GMPS: variants seen among roughly 807,000 people sequenced by gnomAD.
GMPS encodes guanosine monophosphate synthase.
GMPS carries 15 observed loss-of-function variants against 77.9 expected under a neutral mutation model. That is an observed-to-expected ratio of 0.19 (90% CI 0.13 to 0.30). The LOEUF is 0.30. GMPS is among the 10% of genes least tolerant of loss of function. The pLI is 1.00. For missense variants in GMPS, 590 were observed against 838.8 expected, an observed-to-expected ratio of 0.70 and a Z score of 3.66; for synonymous variants, 224 against 275.9, an observed-to-expected ratio of 0.81 and a Z score of 1.86.
rs1330236115 is a variant in GMPS, at chr3:155,916,015, A to G, written c.1039-4A>G. Reference sequence around the variant, plus strand: ...CAAGGCTGTTTTACTCCTGTTGATTATAGATTGCCAATGAAGTAATTGGAG... The same window carrying G: ...CAAGGCTGTTTTACTCCTGTTGATTGTAGATTGCCAATGAAGTAATTGGAG... On this transcript the variant is annotated splice_polypyrimidine_tract_variant and splice_region_variant and intron_variant, in intron 8 of 15. Coordinates refer to ENST00000496455, the MANE Select transcript of GMPS (RefSeq NM_003875.3). 5 of 1,609,062 alleles carry G rather than the reference A, an allele frequency of 3.1e-6. No individual in the cohort carries two copies. Among genetic ancestry groups the G allele is most frequent in the South Asian group, 2.2e-5 (2 of 90,538 alleles).
intron 5 of GMPS, among the ~76,000 whole-genome samples, chr3:155,909,312 CAAGA>C (rs974403732): frequency 6.6e-6 from 1 of 152,056 alleles, no homozygotes; most frequent in Non-Finnish European, 1.5e-5. Context: ...TAATAGTAGT[CAAGA>C]AAGAAACAGT....
intron 7 of GMPS, among the ~76,000 whole-genome samples, chr3:155,911,705 G>T (rs1182187176): frequency 1.3e-5 from 2 of 151,920 alleles, no homozygotes; most frequent in Non-Finnish European, 2.9e-5. Flanking sequence ...CAGTCTTGGT[G>T]GTGGGCGCCT....
rs1178009703 is a variant in GMPS, at chr3:155,941,564, C to T, written c.*3872C>T. On this transcript the variant is annotated 3_prime_UTR_variant, in exon 16 of 16. Transcript: ENST00000496455. The stretch of plus-strand genomic sequence containing the variant: ...GCTTGCGCAATGTTATAACCACTTT[C>T]CCACACTACTCCCCTCCAGAAATCT... The T allele has an allele frequency of 9.0e-6, 2 of 221,140 alleles. No homozygotes were observed. The highest frequency in any genetic ancestry group is 1.8e-5 in the Non-Finnish European group (2 of 110,498). The allele number at this position is 221,140 out of a possible 1,614,324, so 13.7% of individuals were successfully genotyped here.
intron 1 of GMPS, 73 bp from the exon 2 acceptor site, chr3:155,893,445 C>G (rs562960961): frequency 1.0e-6 from 1 of 959,290 alleles, no homozygotes; most frequent in South Asian, 2.0e-5. Flanking sequence ...TGACAGTGAT[C>G]ATTAATTTTT....
At chr3:155,915,945 T>C in intron 8 of GMPS, 74 bp from the exon 9 acceptor site, 1 of 921,396 alleles carries the variant, frequency 1.1e-6, no homozygotes, top group Non-Finnish European at 1.7e-6. Context: ...CTAAGAGATT[T>C]AGCTGAAAGT....
intron 12 of GMPS, among the ~76,000 whole-genome samples, chr3:155,927,934 C>T (rs1401120612): frequency 6.6e-6 from 1 of 150,726 alleles, no homozygotes; most frequent in African/African-American, 2.4e-5. Context: ...GGCATTTAAA[C>T]TGTTCTGTTT....
intron 1 of GMPS, among the ~76,000 whole-genome samples, chr3:155,871,200 G>A (rs910247988): frequency 2.6e-5 from 4 of 152,054 alleles, no homozygotes; most frequent in African/African-American, 7.2e-5. Context: ...CGCAGAGCCC[G>A]CGAGCGCGGC....
rs1755918961 is a variant in GMPS at position 155,942,586 on chromosome 3, A to T, written c.*4894A>T. 4.4e-6 allele frequency: 1 copy of T among 228,582 alleles called. No homozygotes were observed. Among genetic ancestry groups the T allele is most frequent in the Non-Finnish European group, 8.7e-6 (1 of 115,200 alleles). 14.2% of individuals were successfully genotyped at this position (228,582 alleles called of 1,614,324 possible). A position where few individuals can be genotyped will look rare whatever the true frequency, so the allele number is the denominator to read the frequency against. The stretch of plus-strand genomic sequence containing the variant: ...CCAGATTCTGGAACTGATTGCACCT[A>T]TATTATGTTGTGTGTCAGACACTCC... On this transcript the variant is annotated 3_prime_UTR_variant, in exon 16 of 16. Transcript: ENST00000496455.
intron 5 of GMPS, among the ~76,000 whole-genome samples, chr3:155,910,387 G>A (rs1165387034): frequency 1.3e-5 from 2 of 152,034 alleles, no homozygotes; most frequent in African/African-American, 4.8e-5. Flanking sequence ...GGCCAACATA[G>A]TGAAACCCTA....
chr3:155,889,856 C>T (rs1448628216), intron 1 of GMPS, among the ~76,000 whole-genome samples: 2 of 152,138 alleles, frequency 1.3e-5, no homozygotes, highest in African/African-American at 2.4e-5. Context: ...GGGATATTCA[C>T]CTTAAGTCTT....
rs1211077745 is a variant in GMPS, at chr3:155,931,682, T to TA, written c.1561-83_1561-82insA. On this transcript the variant is annotated intron_variant, in intron 12 of 15. Coordinates refer to ENST00000496455, the MANE Select transcript of GMPS (RefSeq NM_003875.3). ...TTTCAATGCATCTTTTCTTTTTTTT[T>TA]TAAAAAAAAAAAAAAGCTTTGTCAA... 3,167 of 515,096 alleles carry TA rather than the reference T, an allele frequency of 6.1e-3. 17 individuals are homozygous for TA. The highest frequency in any genetic ancestry group is 0.016 in the African/African-American group (719 of 45,810). The allele number at this position is 515,096 out of a possible 1,614,324, so 31.9% of individuals were successfully genotyped here.
intron 3 of GMPS, among the ~76,000 whole-genome samples, chr3:155,902,031 A>G (rs1328184815): frequency 6.6e-6 from 1 of 152,312 alleles, no homozygotes; most frequent in Admixed American, 6.5e-5. Flanking sequence ...TTTGACATAT[A>G]AGAAAGATAA....
chr3:155,919,305 C>T lies in GMPS; in HGVS notation c.1285C>T (p.Pro429Ser), dbSNP rs1486705616. ...AATTTTGGGCAGAGAACTTGGACTT[C>T]CAGAAGAGTTAGTTTCCAGGCATCC... Reference protein sequence around the residue: ...VRILGRELGLPEELVSRHPFP... With the variant: ...VRILGRELGLSEELVSRHPFP... The change falls in exon 10 of 16, where the codon CCA (proline) becomes TCA (serine). Residue 429 changes from proline to serine, a missense_variant. Pro to Ser is a moderately conservative substitution (Grantham distance 74). Transcript: ENST00000496455. 1 of 1,591,612 alleles carries T rather than the reference C, an allele frequency of 6.3e-7. No homozygotes were observed. Among genetic ancestry groups the T allele is most frequent in the Non-Finnish European group, 8.6e-7 (1 of 1,165,030 alleles).
At chr3:155,894,092 TA>T (rs2108074749) in intron 2 of GMPS, among the ~76,000 whole-genome samples, 1 of 152,364 alleles carries the variant, frequency 6.6e-6, no homozygotes, top group South Asian at 2.1e-4. Context: ...CCCAATAGAC[TA>T]GTTTCTAAAG....
At chr3:155,936,633 C>CT (rs1349812394) in intron 15 of GMPS, 123 bp downstream of exon 15, 56 of 572,122 alleles carry the variant, frequency 9.8e-5, no homozygotes, top group South Asian at 2.7e-4. Context: ...ATAAGATAGG[C>CT]TTTTTTTTTT....
intron 7 of GMPS, 74 bp from the exon 8 acceptor site, chr3:155,914,345 C>T (rs1755115308): frequency 9.1e-7 from 1 of 1,093,700 alleles, no homozygotes; most frequent in Non-Finnish European, 1.3e-6. Flanking sequence ...GCTTTTCTTT[C>T]TGTATTTTGA....
At position 155,875,144 on chromosome 3, in the gene GMPS, T is replaced by A. The variant is rs555356701; in HGVS notation, c.27+4247T>A. On this transcript the variant is annotated intron_variant, in intron 1 of 15. Transcript: ENST00000496455. ...TGTTGGCCAGGCTGGTCTCTAACCC[T>A]TGACCTCAAGTGAGTCGCTCACCTT... 2.0e-5 allele frequency among the ~76,000 whole-genome samples: 3 copies of A among 151,850 alleles called. No individual in the cohort carries two copies. In the East Asian group the frequency reaches 5.8e-4, roughly 29 times the overall value.
In GMPS at chr3:155,882,481, T is replaced by C. The variant is rs576555597; in HGVS notation, c.28-11037T>C. On this transcript the variant is annotated intron_variant, in intron 1 of 15. Coordinates refer to ENST00000496455, the MANE Select transcript of GMPS (RefSeq NM_003875.3). ...GATTCAGATGTTACCAGCTTATCCGTCATTATCAGGTTTCTCATTAACCTT... is the reference window on the plus strand; with the variant it reads ...GATTCAGATGTTACCAGCTTATCCGCCATTATCAGGTTTCTCATTAACCTT... Among the ~76,000 whole-genome samples, 16 of 152,342 alleles carry C rather than the reference T, an allele frequency of 1.1e-4. No individual in the cohort carries two copies. In the East Asian group the frequency reaches 3.1e-3, roughly 29 times the overall value.
rs138541192 is a variant in GMPS at position 155,943,735 on chromosome 3, A to G, written c.*6043A>G. ...TTCATAAAGGAGGAAATGATGATTT[A>G]CACAATTTGTCATGAAGCTTCCGTG... is the stretch of plus-strand genomic sequence containing the variant. On this transcript the variant is annotated 3_prime_UTR_variant, in exon 16 of 16. Transcript: ENST00000496455. The G allele has an allele frequency of 8.2e-4, 135 of 164,036 alleles. 3 individuals carry two copies. Among genetic ancestry groups the G allele is most frequent in the East Asian group, 6.4e-3 (49 of 7,700 alleles). The allele number at this position is 164,036 out of a possible 1,614,324, so 10.2% of individuals were successfully genotyped here.
Sources: allele counts gnomAD v4.1 joint callset (sites outside exome capture counted in the v4.1 genomes callset), GRCh38; gene constraint gnomAD v4.1.1; transcripts MANE v1.5; gene names NCBI Gene and HGNC (gene_info 2026-07-23, HGNC 2026-07-21).